PCDHGB2: variants seen among roughly 807,000 people sequenced by gnomAD.
The protein encoded by PCDHGB2 is protocadherin gamma subfamily B, 2.
PCDHGB2 carries 55 observed loss-of-function variants against 59.3 expected under a neutral mutation model. The observed-to-expected ratio is 0.93, with a 90% CI of 0.75 to 1.16. The LOEUF is 1.16. Among genes scored for constraint, PCDHGB2 ranks in the 50% most tolerant of loss-of-function variants. PCDHGB2 has a pLI of 0.00. For synonymous variants in PCDHGB2, 516 were observed against 512.0 expected, an observed-to-expected ratio of 1.01 and a Z score of -0.11; for missense variants, 1,228 against 1,198.5, an observed-to-expected ratio of 1.02 and a Z score of -0.36.
At chr5:141,414,748 G>A in intron 1 of PCDHGB2, 5 of 1,614,182 alleles carry the variant, frequency 3.1e-6, no homozygotes, top group Non-Finnish European at 4.2e-6. Context: ...CAGATCCTTC[G>A]ACTATGAGCA....
rs767225609 is a variant in PCDHGB2 at position 141,390,056 on chromosome 5, C to T, written c.2421+27500C>T. On this transcript the variant is annotated intron_variant, in intron 1 of 3. Transcript: ENST00000522605. ...CCTCCAGCCCCGCCTCCTGGAGCTG[C>T]TTCCAGCCTGGTCTCTGTGTTAAAT... 9 of 1,613,960 alleles carry T rather than the reference C, an allele frequency of 5.6e-6. No homozygotes were observed. In the Admixed American group the frequency reaches 1.3e-4, roughly 24 times the overall value.
At chr5:141,438,396 ACT>A (rs2097958956) in intron 1 of PCDHGB2, among the ~76,000 whole-genome samples, 2 of 150,930 alleles carry the variant, frequency 1.3e-5, no homozygotes, top group African/African-American at 4.9e-5. Context: ...TTCATCATTA[ACT>A]CTCTGAAGTA....
Position 141,490,046 on chromosome 5 carries a change from C to A in PCDHGB2, c.2422-4761C>A, listed in dbSNP as rs2099695274. ...CTGCTCCGCCTCAATGCCACTGATC[C>A]AGACGAGGGCACCAACGGCCAACTA... On this transcript the variant is annotated intron_variant, in intron 1 of 3. Transcript: ENST00000522605. This position sits in a 1 kb window ranked among gnomAD's most constrained non-coding sequence, Gnocchi z 5.4. 1 of 1,614,094 alleles carries A rather than the reference C, an allele frequency of 6.2e-7. No individual in the cohort carries two copies.
At chr5:141,364,096 G>A in intron 1 of PCDHGB2, 1 of 400,034 alleles carries the variant, frequency 2.5e-6, no homozygotes, top group Non-Finnish European at 4.4e-6. Context: ...GGAATTTGAT[G>A]CAGTCACTGG....
rs776825429 is a variant in PCDHGB2 at position 141,375,161 on chromosome 5, G to C, written c.2421+12605G>C. On this transcript the variant is annotated intron_variant, in intron 1 of 3. Transcript: ENST00000522605. ...TGGAAGCAGAACAATTGCTGAAAGT[G>C]CACCTCCAGGAACAGTAATCGCCCT... 2.5e-6 allele frequency: 4 copies of C among 1,613,940 alleles called. No individual in the cohort carries two copies. In the Admixed American group the frequency reaches 6.7e-5, roughly 27 times the overall value.
chr5:141,380,379 A>G (rs1484471466), intron 1 of PCDHGB2, among the ~76,000 whole-genome samples: 1 of 152,244 alleles, frequency 6.6e-6, no homozygotes, highest in Non-Finnish European at 1.5e-5. Context: ...AGTCCCAAAA[A>G]AGAAAAGAGA....
intron 1 of PCDHGB2, chr5:141,399,826 G>C (rs2093897872): frequency 1.2e-6 from 2 of 1,613,066 alleles, no homozygotes; most frequent in Non-Finnish European, 1.7e-6. Context: ...GGGTCCCGAC[G>C]GCTCTGCGCT....
intron 3 of PCDHGB2, chr5:141,507,089 C>T (rs564539147): frequency 2.0e-5 from 3 of 152,298 alleles, no homozygotes; most frequent in Admixed American, 1.3e-4. Context: ...TAAGTTTATG[C>T]TCTTTCTACT....
chr5:141,490,951 T>G lies in PCDHGB2; in HGVS notation c.2422-3856T>G, dbSNP rs778168052. On this transcript the variant is annotated intron_variant, in intron 1 of 3. Transcript: ENST00000522605. The surrounding 1 kb of genome is among the most constrained non-coding windows in gnomAD (Gnocchi z 5.4). ...AGCTGTGCTGCACCCACGGCCAGACTGGGAACACTCAGCCCCCCAGCGTCT... is the reference window on the plus strand; with the variant it reads ...AGCTGTGCTGCACCCACGGCCAGACGGGGAACACTCAGCCCCCCAGCGTCT... The G allele has an allele frequency of 6.2e-7, 1 of 1,613,638 alleles. No individual in the cohort carries two copies. The highest frequency in any genetic ancestry group is 1.3e-5 in the African/African-American group (1 of 74,900).
chr5:141,435,979 C>T (rs1036607924), intron 1 of PCDHGB2, among the ~76,000 whole-genome samples: 4 of 152,008 alleles, frequency 2.6e-5, no homozygotes, highest in Non-Finnish European at 5.9e-5. Flanking sequence ...TGTGGTTCTA[C>T]TTGTGTGATT....
At chr5:141,404,233 AG>A (rs2094501302) in intron 1 of PCDHGB2, 1 of 1,613,628 alleles carries the variant, frequency 6.2e-7, no homozygotes, top group African/African-American at 1.3e-5. Flanking sequence ...CAACAGACAG[AG>A]GAACTCCGCC....
At chr5:141,428,400 G>C (rs373595231) in intron 1 of PCDHGB2, 4 of 483,290 alleles carry the variant, frequency 8.3e-6, no homozygotes, top group African/African-American at 2.0e-5. Flanking sequence ...CCTCTGCCTG[G>C]GGTTGCTTTC....
At position 141,491,623 on chromosome 5, in the gene PCDHGB2, G is replaced by A. The variant is rs767724749; in HGVS notation, c.2422-3184G>A. The A allele has an allele frequency of 3.7e-6, 6 of 1,613,812 alleles. No homozygotes were observed. The highest frequency in any genetic ancestry group is 2.7e-5 in the African/African-American group (2 of 74,938). On this transcript the variant is annotated intron_variant, in intron 1 of 3. Transcript: ENST00000522605. This position sits in a 1 kb window ranked among gnomAD's most constrained non-coding sequence, Gnocchi z 6.9. ...CTTCACTTTTCTAAGACCCCTCAGC[G>A]TTCAGCAGCCCACAGCTCTGGCGCT...
At position 141,424,135 on chromosome 5, in the gene PCDHGB2, G is replaced by A. The variant is rs572224199; in HGVS notation, c.2421+61579G>A. 1.1e-4 allele frequency: 47 copies of A among 431,606 alleles called. No individual in the cohort carries two copies. The South Asian group carries it at 4.6e-3, about 43-fold the overall frequency. The allele number at this position is 431,606 out of a possible 1,614,324, so 26.7% of individuals were successfully genotyped here. On this transcript the variant is annotated intron_variant, in intron 1 of 3. Coordinates refer to ENST00000522605, the MANE Select transcript of PCDHGB2 (RefSeq NM_018923.3). The stretch of plus-strand genomic sequence containing the variant: ...AAATTTTGATCCTGTTGATTTAATA[G>A]CATGCTCCCTCTAGCTCTCCTTCTC...
intron 1 of PCDHGB2, chr5:141,417,664 C>T: frequency 1.1e-6 from 1 of 911,118 alleles, no homozygotes; most frequent in Non-Finnish European, 1.6e-6. Context: ...CTGGGATTCC[C>T]TGCGCAGCCA....
rs546656566 is a variant in PCDHGB2, at chr5:141,389,499, G to C, written c.2421+26943G>C. 10 of 1,613,058 alleles carry C rather than the reference G, an allele frequency of 6.2e-6. No homozygotes were observed. The African/African-American group carries it at 1.1e-4, about 17-fold the overall frequency. On this transcript the variant is annotated intron_variant, in intron 1 of 3. Coordinates refer to ENST00000522605, the MANE Select transcript of PCDHGB2 (RefSeq NM_018923.3). ...GCAGGCCCGCGACCAGGGCTCGCCA[G>C]CGCTCAGCGCGAACGTGAGCCTGCG... is the stretch of plus-strand genomic sequence containing the variant.
intron 1 of PCDHGB2, chr5:141,430,850 A>T (rs1204872595): frequency 6.3e-7 from 1 of 1,582,670 alleles, no homozygotes; most frequent in South Asian, 1.2e-5. Context: ...ATGCACCCAG[A>T]TACGCTATTC....
chr5:141,371,325 G>A (rs1335421404), intron 1 of PCDHGB2: 2 of 1,613,966 alleles, frequency 1.2e-6, no homozygotes, highest in Non-Finnish European at 8.5e-7. Context: ...GGACTTTGAA[G>A]AGAGAGATAG....
intron 1 of PCDHGB2, chr5:141,415,098 G>T (rs578221269): frequency 1.9e-5 from 31 of 1,613,588 alleles, no homozygotes; most frequent in African/African-American, 1.7e-4. Flanking sequence ...ACAGAGACGC[G>T]CTCAAGCAAA....
Sources: gnomAD v4.1 joint callset for allele counts (sites outside exome capture counted in the v4.1 genomes callset) on GRCh38, gnomAD v4.1.1 for gene constraint, Gnocchi (gnomAD v3.1) non-coding constraint, MANE v1.5 for transcripts, NCBI Gene and HGNC (gene_info 2026-07-23, HGNC 2026-07-21) for gene names.